MGMT: variants seen among roughly 807,000 people sequenced by gnomAD.
The protein encoded by MGMT is O-6-methylguanine-DNA methyltransferase, also known as methylated-DNA--protein-cysteine methyltransferase.
A neutral mutation model predicts 15.9 loss-of-function variants in MGMT; 14 were observed. The ratio of observed to expected loss-of-function variants is 0.88; its 90% CI spans 0.58 to 1.37. The LOEUF (loss-of-function observed/expected upper bound fraction) is 1.37, where lower values mean the gene tolerates loss of function less well. MGMT is among the 40% of genes most tolerant of loss of function. The pLI, the probability that MGMT is intolerant of heterozygous loss-of-function variation, is 0.00. For missense variants in MGMT, 282 were observed against 268.1 expected, an observed-to-expected ratio of 1.05 and a Z score of -0.36; for synonymous variants, 130 against 118.2, an observed-to-expected ratio of 1.10 and a Z score of -0.65.
At chr10:129,576,939 C>A (rs1471420667) in intron 2 of MGMT, among the ~76,000 whole-genome samples, 1 of 152,146 alleles carries the variant, frequency 6.6e-6, no homozygotes, top group African/African-American at 2.4e-5. Flanking sequence ...TTCACAGTTG[C>A]TTCAAAGAGA....
intron 3 of MGMT, among the ~76,000 whole-genome samples, chr10:129,754,846 C>A (rs1027672345): frequency 6.6e-6 from 1 of 152,240 alleles, no homozygotes; most frequent in African/African-American, 2.4e-5. Flanking sequence ...TTAACACTGT[C>A]ACAGTGGCAG....
At chr10:129,491,447 G>A (rs960941623) in intron 1 of MGMT, among the ~76,000 whole-genome samples, 8 of 152,046 alleles carry the variant, frequency 5.3e-5, no homozygotes, top group African/African-American at 1.4e-4. Flanking sequence ...TTCTGCTTAG[G>A]GTTTGCTGAA....
intron 3 of MGMT, among the ~76,000 whole-genome samples, chr10:129,732,718 C>T (rs1467277749): frequency 2.2e-5 from 3 of 133,688 alleles, no homozygotes; most frequent in South Asian, 2.9e-4. Flanking sequence ...TCCCCCCACC[C>T]CACAACAGTC....
chr10:129,739,451 C>T (rs549616885), intron 3 of MGMT, among the ~76,000 whole-genome samples: 28 of 152,320 alleles, frequency 1.8e-4, no homozygotes, highest in African/African-American at 6.5e-4. Context: ...GAAAAAATTA[C>T]AGCAGAGTTC....
intron 1 of MGMT, among the ~76,000 whole-genome samples, chr10:129,506,591 A>G (rs1316188859): frequency 1.3e-5 from 2 of 151,966 alleles, no homozygotes; most frequent in Non-Finnish European, 2.9e-5. Flanking sequence ...CCTCGATGCT[A>G]TTGTAGATGT....
At chr10:129,755,799 G>A (rs186679037) in intron 3 of MGMT, among the ~76,000 whole-genome samples, 3 of 152,350 alleles carry the variant, frequency 2.0e-5, no homozygotes, top group East Asian at 1.9e-4. Flanking sequence ...GAGGTGGCTC[G>A]TAGCAGATTA....
intron 3 of MGMT, among the ~76,000 whole-genome samples, chr10:129,718,154 C>T (rs1284419654): frequency 6.6e-6 from 1 of 152,200 alleles, no homozygotes; most frequent in African/African-American, 2.4e-5. Flanking sequence ...ACTTCTAATG[C>T]CCTAGAAGAT....
intron 3 of MGMT, among the ~76,000 whole-genome samples, chr10:129,712,452 CTGGTAGAAGTAA>C (rs1848243345): frequency 6.6e-6 from 1 of 152,190 alleles, no homozygotes; most frequent in African/African-American, 2.4e-5. Context: ...TTAACACCTG[CTGGTAGAAGTAA>C]GTTTTTGTAA....
intron 2 of MGMT, among the ~76,000 whole-genome samples, chr10:129,653,396 C>T (rs1847485248): frequency 6.6e-6 from 1 of 152,234 alleles, no homozygotes; most frequent in African/African-American, 2.4e-5. Flanking sequence ...ACAGTAACTG[C>T]TCAGTTTCAC....
At chr10:129,654,979 C>T (rs763747194) in intron 2 of MGMT, among the ~76,000 whole-genome samples, 2 of 152,206 alleles carry the variant, frequency 1.3e-5, no homozygotes, top group Non-Finnish European at 2.9e-5. Flanking sequence ...AAATTCCTTG[C>T]ATCTAAGGAA....
intron 2 of MGMT, among the ~76,000 whole-genome samples, chr10:129,643,676 G>A (rs143779243): frequency 2.9e-4 from 44 of 152,292 alleles, no homozygotes; most frequent in Admixed American, 9.1e-4. Context: ...CAGAAACAAC[G>A]ATTTCTTCAA....
At chr10:129,527,664 G>A (rs1011613370) in intron 1 of MGMT, among the ~76,000 whole-genome samples, 1 of 152,046 alleles carries the variant, frequency 6.6e-6, no homozygotes, top group Non-Finnish European at 1.5e-5. Flanking sequence ...CACACACATC[G>A]TCACCCTGTC....
intron 1 of MGMT, among the ~76,000 whole-genome samples, chr10:129,481,428 C>G (rs906043932): frequency 6.6e-6 from 1 of 152,172 alleles, no homozygotes; most frequent in Admixed American, 6.5e-5. Flanking sequence ...CCTGGAGTGT[C>G]TGTCTGCTTT....
At chr10:129,520,884 C>G (rs1279093103) in intron 1 of MGMT, among the ~76,000 whole-genome samples, 8 of 144,926 alleles carry the variant, frequency 5.5e-5, no homozygotes, top group African/African-American at 7.7e-5. Context: ...CCCTACAGTG[C>G]GGGTGCAGAG....
intron 2 of MGMT, among the ~76,000 whole-genome samples, chr10:129,550,920 G>A (rs1430830887): frequency 2.0e-5 from 3 of 152,226 alleles, no homozygotes; most frequent in Admixed American, 1.3e-4. Flanking sequence ...AGACCCCTGA[G>A]ACCAGAACCC....
At chr10:129,726,894 C>T (rs1252622448) in intron 3 of MGMT, among the ~76,000 whole-genome samples, 6 of 152,114 alleles carry the variant, frequency 3.9e-5, no homozygotes, top group South Asian at 2.1e-4. Context: ...GTTTAAAGTC[C>T]ATCTGCCCAG....
At chr10:129,679,349 C>T (rs1176400548) in intron 2 of MGMT, among the ~76,000 whole-genome samples, 1 of 150,790 alleles carries the variant, frequency 6.6e-6, no homozygotes, top group Non-Finnish European at 1.5e-5. Context: ...AGGTCCGAGT[C>T]GCTGTGGGAC....
At chr10:129,763,380 C>A (rs965837514) in intron 4 of MGMT, among the ~76,000 whole-genome samples, 4 of 152,106 alleles carry the variant, frequency 2.6e-5, no homozygotes, top group African/African-American at 9.7e-5. Context: ...AGCAGCGTTC[C>A]CTATTTCTAA....
At chr10:129,510,149 G>A (rs989678679) in intron 1 of MGMT, among the ~76,000 whole-genome samples, 3 of 152,210 alleles carry the variant, frequency 2.0e-5, no homozygotes, top group African/African-American at 7.2e-5. Flanking sequence ...CCAGGTGGGG[G>A]CATCTAAGGA....
Sources: gnomAD v4.1 joint callset for allele counts (sites outside exome capture counted in the v4.1 genomes callset) on GRCh38, gnomAD v4.1.1 for gene constraint, MANE v1.5 for transcripts, NCBI Gene and HGNC (gene_info 2026-07-23, HGNC 2026-07-21) for gene names.